The following MAST4 variants were observed in gnomAD, a reference collection of about 807,000 sequenced individuals.
MAST4 encodes the protein microtubule associated serine/threonine kinase family member 4.
In MAST4, 89 loss-of-function variants were observed where a neutral mutation model predicts 162.7. The ratio of observed to expected loss-of-function variants is 0.55; its 90% CI spans 0.46 to 0.65. The LOEUF (loss-of-function observed/expected upper bound fraction) is 0.65. Among genes scored for constraint, MAST4 ranks in the 30% least tolerant of loss-of-function variants. The probability of loss-of-function intolerance (pLI) is 0.00; values close to 1 mark genes in which losing one functional copy is unlikely to be tolerated. For synonymous variants in MAST4, 1,479 were observed against 1,361.1 expected (o/e 1.09, Z -1.91); for missense variants, 3,153 against 3,374.0 (o/e 0.93, Z 1.62).
intron 1 of MAST4, among the ~76,000 whole-genome samples, chr5:66,619,551 T>A (rs1743939957): frequency 6.6e-6 from 1 of 152,162 alleles, no homozygotes; most frequent in South Asian, 2.1e-4. Flanking sequence ...TACAGGAAGC[T>A]CATGTATGTG....
Position 67,145,304 on chromosome 5 carries a change from C to T in MAST4, c.3019C>T (p.Pro1007Ser), listed in dbSNP as rs267600670. The change falls in exon 23 of 29, where the codon CCT becomes TCT. Residue 1007 changes from proline (P) to serine (S), a missense_variant. Coordinates refer to ENST00000403625, the MANE Select transcript of MAST4 (RefSeq NM_001164664.2). ...TGAGGAGCCAGGAAAGCCAGCCCTT[C>T]CTCCTGAAGAGTGTGCCCAGGAGGA... ...PHEEPGKPAL[P>S]PEECAQEEPE... The T allele has an allele frequency of 6.2e-7, 1 of 1,613,892 alleles. No individual in the cohort carries two copies. The highest frequency in any genetic ancestry group is 1.1e-5 in the South Asian group (1 of 91,074).
intron 6 of MAST4, 29 bp downstream of exon 6, chr5:67,090,260 A>G (rs2150789833): frequency 5.1e-6 from 8 of 1,560,912 alleles, no homozygotes; most frequent in Non-Finnish European, 7.0e-6. Flanking sequence ...TGGAGGCATA[A>G]GGTCTTATAG....
Position 66,723,535 on chromosome 5 carries a change from G to T in MAST4, c.364-36174G>T, listed in dbSNP as rs78258111. On this transcript the variant is annotated intron_variant, in intron 1 of 28. Transcript: ENST00000403625. The stretch of plus-strand genomic sequence containing the variant: ...TTAAACAATGGCATCAAACCTAATT[G>T]ATGAGAAAGATGCTAATTATTTTTT... 2.6e-3 allele frequency among the ~76,000 whole-genome samples: 397 copies of T among 152,248 alleles called. 1 individual carries two copies. Among genetic ancestry groups the T allele is most frequent in the African/African-American group, 9.1e-3 (377 of 41,540 alleles).
At chr5:66,973,384 T>C (rs80037752) in intron 4 of MAST4, among the ~76,000 whole-genome samples, 3,198 of 152,278 alleles carry the variant, frequency 0.021, 100 homozygotes, top group African/African-American at 0.07. Flanking sequence ...GAGAAAGTTA[T>C]ACTGTCTTTC....
At chr5:67,139,144 A>C (rs1315833946) in intron 19 of MAST4, among the ~76,000 whole-genome samples, 1 of 152,250 alleles carries the variant, frequency 6.6e-6, no homozygotes, top group Non-Finnish European at 1.5e-5. Context: ...CAAACAGGCC[A>C]GTCCAACATG....
At chr5:66,630,797 A>T (rs1018561774) in intron 1 of MAST4, among the ~76,000 whole-genome samples, 1 of 152,196 alleles carries the variant, frequency 6.6e-6, no homozygotes, top group Non-Finnish European at 1.5e-5. Context: ...GGTTCCATAG[A>T]GTGATCTCTC....
At chr5:66,941,745 C>A (rs895525312) in intron 4 of MAST4, among the ~76,000 whole-genome samples, 1 of 152,258 alleles carries the variant, frequency 6.6e-6, no homozygotes, top group East Asian at 1.9e-4. Context: ...CCTCATGAAA[C>A]ATAATCGTTT....
chr5:67,062,259 G>A (rs986432464), intron 5 of MAST4, among the ~76,000 whole-genome samples: 9 of 152,100 alleles, frequency 5.9e-5, no homozygotes, highest in Non-Finnish European at 7.4e-5. Context: ...TTAGCCGGGC[G>A]TGGTGGCACA....
intron 1 of MAST4, among the ~76,000 whole-genome samples, chr5:66,602,296 G>A (rs1469500299): frequency 6.6e-6 from 1 of 152,026 alleles, no homozygotes; most frequent in Non-Finnish European, 1.5e-5. Flanking sequence ...CAGGAAGTGT[G>A]GTGTTTGGGT....
chr5:67,110,015 T>A, intron 10 of MAST4, 83 bp from the exon 11 acceptor site: 2 of 941,602 alleles, frequency 2.1e-6, no homozygotes, highest in African/African-American at 1.6e-5. Context: ...TTTGCAATGA[T>A]CTAATTAGCA....
intron 6 of MAST4, among the ~76,000 whole-genome samples, chr5:67,090,887 C>G (rs1763795593): frequency 6.6e-6 from 1 of 151,872 alleles, no homozygotes; most frequent in South Asian, 2.1e-4. Flanking sequence ...GTCTGCTTCG[C>G]CCTGTCAGAT....
intron 1 of MAST4, among the ~76,000 whole-genome samples, chr5:66,646,411 G>A (rs1192093004): frequency 6.6e-6 from 1 of 152,090 alleles, no homozygotes; most frequent in Admixed American, 6.6e-5. Context: ...CCTTCTTACA[G>A]AAGCCTTGAG....
chr5:66,874,475 C>T (rs1761157447), intron 3 of MAST4, among the ~76,000 whole-genome samples: 1 of 152,124 alleles, frequency 6.6e-6, no homozygotes, highest in Non-Finnish European at 1.5e-5. Context: ...GGAAGCTTTG[C>T]TGATCCAGAA....
chr5:66,832,325 A>T lies in MAST4; in HGVS notation c.642+43531A>T, dbSNP rs557301337. On this transcript the variant is annotated intron_variant, in intron 3 of 28. Coordinates refer to ENST00000403625, the MANE Select transcript of MAST4 (RefSeq NM_001164664.2). Reference sequence around the variant, plus strand: ...ATGCAGTTAAACATCAACGAAAAGCAATGAAATGTTTATTGTTTAGACTTC... The same window carrying T: ...ATGCAGTTAAACATCAACGAAAAGCTATGAAATGTTTATTGTTTAGACTTC... Among the ~76,000 whole-genome samples the T allele has an allele frequency of 6.6e-5, 10 of 152,298 alleles. No homozygotes were observed. In the South Asian group the frequency reaches 2.1e-3, roughly 32 times the overall value.
At chr5:66,636,564 A>G (rs1364859201) in intron 1 of MAST4, among the ~76,000 whole-genome samples, 3 of 152,196 alleles carry the variant, frequency 2.0e-5, no homozygotes, top group African/African-American at 4.8e-5. Flanking sequence ...TGCCTAATCT[A>G]GATGCAGATT....
At chr5:67,138,731 G>T (rs1338104722) in intron 19 of MAST4, among the ~76,000 whole-genome samples, 1 of 152,130 alleles carries the variant, frequency 6.6e-6, no homozygotes, top group Non-Finnish European at 1.5e-5. Context: ...ATTGTGCCTG[G>T]CCCCATCATA....
chr5:66,772,831 G>A (rs1301542772), intron 2 of MAST4, among the ~76,000 whole-genome samples: 1 of 152,150 alleles, frequency 6.6e-6, no homozygotes, highest in Non-Finnish European at 1.5e-5. Flanking sequence ...TACTCTCAAG[G>A]TCCCTTTGAG....
chr5:66,883,644 G>A (rs756175210), intron 3 of MAST4, among the ~76,000 whole-genome samples: 1 of 151,956 alleles, frequency 6.6e-6, no homozygotes, highest in Non-Finnish European at 1.5e-5. Context: ...GGTCAGGCTG[G>A]CCTCGAACTC....
chr5:67,055,998 G>T (rs370455025), intron 5 of MAST4, among the ~76,000 whole-genome samples: 1 of 113,076 alleles, frequency 8.8e-6, no homozygotes, highest in African/African-American at 3.2e-5. Context: ...TTTTGTTTAG[G>T]GATATATATA....
Sources: allele counts gnomAD v4.1 joint callset (sites outside exome capture counted in the v4.1 genomes callset), GRCh38; gene constraint gnomAD v4.1.1; transcripts MANE v1.5; gene names NCBI Gene and HGNC (gene_info 2026-07-23, HGNC 2026-07-21).